The following MOSMO variants were observed in gnomAD, a reference collection of about 807,000 sequenced individuals.
The protein encoded by MOSMO is modulator of smoothened, also known as modulator of smoothened protein.
MOSMO carries 5 observed loss-of-function variants against 18.4 expected under a neutral mutation model. That is an observed-to-expected ratio of 0.27 (90% CI 0.14 to 0.57). The LOEUF is 0.57. Among genes scored for constraint, MOSMO ranks in the 20% least tolerant of loss-of-function variants. The probability of loss-of-function intolerance (pLI) is 0.92; values close to 1 mark genes in which losing one functional copy is unlikely to be tolerated. For missense variants in MOSMO, 138 were observed against 211.8 expected (o/e 0.65, Z 2.16); for synonymous variants, 82 against 82.3 (o/e 1.00, Z 0.02).
At chr16:22,064,109 T>C (rs1036918726) in intron 1 of MOSMO, among the ~76,000 whole-genome samples, 6 of 152,148 alleles carry the variant, frequency 3.9e-5, no homozygotes, top group Admixed American at 1.3e-4. Flanking sequence ...AGCTCTAAAT[T>C]CTCTAATTTT....
At chr16:22,014,064 G>A (rs1262455994) in intron 1 of MOSMO, among the ~76,000 whole-genome samples, 1 of 152,124 alleles carries the variant, frequency 6.6e-6, no homozygotes. Flanking sequence ...CCTTAAAATT[G>A]AGCAGACTTA....
At chr16:22,086,345 C>G (rs1901176292), downstream of MOSMO, among the ~76,000 whole-genome samples, 1 of 152,162 alleles carries the variant, frequency 6.6e-6, no homozygotes, top group African/African-American at 2.4e-5. Flanking sequence ...TCCCACCTCT[C>G]TCTCTCGTCA....
chr16:22,024,355 A>G (rs1899831437), intron 1 of MOSMO, among the ~76,000 whole-genome samples: 1 of 150,538 alleles, frequency 6.6e-6, no homozygotes, highest in Non-Finnish European at 1.5e-5. Context: ...ACAGCAGTTG[A>G]TTATCTTTGA....
intron 2 of MOSMO, among the ~76,000 whole-genome samples, chr16:22,079,285 A>C (rs1901032948): frequency 6.6e-6 from 1 of 152,194 alleles, no homozygotes; most frequent in South Asian, 2.1e-4. Flanking sequence ...TTAATAATGG[A>C]AGGTCCAACT....
At chr16:22,032,720 A>G (rs1360952323) in intron 1 of MOSMO, among the ~76,000 whole-genome samples, 2 of 151,740 alleles carry the variant, frequency 1.3e-5, no homozygotes, top group Non-Finnish European at 1.5e-5. Flanking sequence ...CTAACTTTTT[A>G]ATTTTTTTAT....
intron 1 of MOSMO, among the ~76,000 whole-genome samples, chr16:22,058,176 C>T (rs1900572175): frequency 6.6e-6 from 1 of 151,998 alleles, no homozygotes; most frequent in Non-Finnish European, 1.5e-5. Flanking sequence ...ACCCATAATC[C>T]CAGCACTTTG....
At chr16:22,055,233 A>C (rs1900509052) in intron 1 of MOSMO, among the ~76,000 whole-genome samples, 1 of 152,062 alleles carries the variant, frequency 6.6e-6, no homozygotes, top group Admixed American at 6.5e-5. Context: ...CACCTTAGTC[A>C]ACACACTCCT....
intron 1 of MOSMO, among the ~76,000 whole-genome samples, chr16:22,035,470 C>A (rs1900089802): frequency 6.6e-6 from 1 of 150,876 alleles, no homozygotes; most frequent in Admixed American, 6.6e-5. Flanking sequence ...AAAAATGTGC[C>A]CTCACTCTCC....
chr16:22,036,161 C>G (rs1158531298), intron 1 of MOSMO, among the ~76,000 whole-genome samples: 3 of 152,152 alleles, frequency 2.0e-5, no homozygotes, highest in South Asian at 2.1e-4. Flanking sequence ...GAGTCTCGCT[C>G]TCTCTCCCAG....
intron 1 of MOSMO, chr16:22,064,268 G>A (rs139019870): frequency 0.017 from 7,772 of 455,918 alleles, 103 homozygotes; most frequent in Non-Finnish European, 0.025. Flanking sequence ...TACTTTTACA[G>A]ATAATTCCAC....
At chr16:22,044,001 T>A (rs1900259618) in intron 1 of MOSMO, among the ~76,000 whole-genome samples, 1 of 152,080 alleles carries the variant, frequency 6.6e-6, no homozygotes, top group East Asian at 1.9e-4. Context: ...CAAGAGAGAA[T>A]GAGAGAGCCA....
chr16:22,013,513 AGT>A, intron 1 of MOSMO, among the ~76,000 whole-genome samples: 1 of 152,268 alleles, frequency 6.6e-6, no homozygotes, highest in African/African-American at 2.4e-5. Flanking sequence ...GGGAAAAATT[AGT>A]GTTAGTTAAT....
downstream of MOSMO, among the ~76,000 whole-genome samples, chr16:22,091,548 T>C (rs1252495999): frequency 2.5e-4 from 38 of 152,096 alleles, no homozygotes; most frequent in Admixed American, 2.5e-3. Flanking sequence ...TGTACCTGAC[T>C]AATTTTTATT....
At chr16:22,079,975 G>A (rs1023910591) in intron 2 of MOSMO, among the ~76,000 whole-genome samples, 1 of 152,052 alleles carries the variant, frequency 6.6e-6, no homozygotes, top group African/African-American at 2.4e-5. Context: ...GTAGAGACAG[G>A]GTTTCACCAT....
At chr16:22,025,446 C>G (rs374814984) in intron 1 of MOSMO, among the ~76,000 whole-genome samples, 18 of 152,186 alleles carry the variant, frequency 1.2e-4, no homozygotes, top group African/African-American at 4.3e-4. Flanking sequence ...AAATTCTAGT[C>G]CATGGACAAC....
chr16:22,011,928 G>C (rs894450553), intron 1 of MOSMO, among the ~76,000 whole-genome samples: 1 of 93,974 alleles, frequency 1.1e-5, no homozygotes, highest in African/African-American at 3.7e-5. Flanking sequence ...ATGTAGTCCT[G>C]AGTTAAAAAA....
At chr16:22,028,207 G>A (rs565428013) in intron 1 of MOSMO, among the ~76,000 whole-genome samples, 8 of 152,020 alleles carry the variant, frequency 5.3e-5, no homozygotes, top group South Asian at 4.2e-4. Context: ...ACACGTGTGC[G>A]TATGCATATA....
intron 1 of MOSMO, among the ~76,000 whole-genome samples, chr16:22,069,382 G>T (rs569350934): frequency 6.6e-6 from 1 of 152,244 alleles, no homozygotes; most frequent in South Asian, 2.1e-4. Flanking sequence ...GACCTTTACA[G>T]CCCATTTTAA....
intron 1 of MOSMO, among the ~76,000 whole-genome samples, chr16:22,011,181 G>C (rs1899520553): frequency 6.6e-6 from 1 of 152,226 alleles, no homozygotes; most frequent in African/African-American, 2.4e-5. Context: ...TGAACATACA[G>C]TGTGATAACC....
Sources: gnomAD v4.1 joint callset for allele counts (sites outside exome capture counted in the v4.1 genomes callset) on GRCh38, gnomAD v4.1.1 for gene constraint, MANE v1.5 for transcripts, NCBI Gene and HGNC (gene_info 2026-07-23, HGNC 2026-07-21) for gene names.